The following TMC5 variants were observed in gnomAD, a reference collection of about 807,000 sequenced individuals.
TMC5 encodes the protein transmembrane channel like 5.
In TMC5, 86 loss-of-function variants were observed where a neutral mutation model predicts 110.5. The observed-to-expected ratio is 0.78, with a 90% CI of 0.65 to 0.93. The LOEUF is 0.93. Ranked by LOEUF, TMC5 falls within the 40% of genes least tolerant of loss-of-function variation. TMC5 has a pLI of 0.00. For missense variants in TMC5, 1,144 were observed against 1,222.8 expected (o/e 0.94, Z 0.96); for synonymous variants, 455 against 439.5 (o/e 1.04, Z -0.44).
At position 19,463,261 on chromosome 16, in the gene TMC5, C is replaced by A. The variant is rs1401795415; in HGVS notation, c.1149-19C>A. The A allele has an allele frequency of 3.8e-6, 6 of 1,588,146 alleles. No homozygotes were observed. The South Asian group carries it at 6.6e-5, about 18-fold the overall frequency. On this transcript the variant is annotated intron_variant, in intron 6 of 21. Transcript: ENST00000542583. ...TTGCAACATTTGTATCTCTCATTTTCTCTTGCTGTTCCCTACAGGAAAATA... is the reference window on the plus strand; with the variant it reads ...TTGCAACATTTGTATCTCTCATTTTATCTTGCTGTTCCCTACAGGAAAATA...
chr16:19,440,933 T>C (rs908051201), intron 3 of TMC5, 107 bp downstream of exon 3: 4 of 1,152,850 alleles, frequency 3.5e-6, no homozygotes, highest in Non-Finnish European at 4.9e-6. Context: ...TATATGACGG[T>C]TTCTATGACC....
intron 12 of TMC5, 73 bp from the exon 13 acceptor site, chr16:19,477,367 C>A: frequency 8.6e-7 from 1 of 1,159,688 alleles, no homozygotes; most frequent in Non-Finnish European, 1.3e-6. Flanking sequence ...CCATGTGCCC[C>A]AAAGGAGCTA....
Position 19,498,311 on chromosome 16 carries a change from C to T in TMC5, c.*345C>T, listed in dbSNP as rs186881397. 8.4e-6 allele frequency: 2 copies of T among 239,244 alleles called. No homozygotes were observed. The allele number at this position is 239,244 out of a possible 1,614,324, so 14.8% of individuals were successfully genotyped here. On this transcript the variant is annotated 3_prime_UTR_variant, in exon 22 of 22. Transcript: ENST00000542583. ...AGGAATGATTGGTTCTTAGAAATCT[C>T]TCCTGCCAGACTTCCCAGACCTGGC... is the stretch of plus-strand genomic sequence containing the variant.
intron 2 of TMC5, among the ~76,000 whole-genome samples, chr16:19,433,054 A>T (rs1967227550): frequency 6.6e-6 from 1 of 152,222 alleles, no homozygotes; most frequent in Non-Finnish European, 1.5e-5. Context: ...AGTTATATAC[A>T]TACATACATA....
At position 19,444,146 on chromosome 16, in the gene TMC5, G is replaced by T. The variant is rs72785308; in HGVS notation, c.854G>T (p.Ser285Ile). 51,047 of 1,614,068 alleles carry T rather than the reference G, an allele frequency of 0.032. 952 individuals are homozygous for T. The highest frequency in any genetic ancestry group is 0.057 in the African/African-American group (4,312 of 75,018). Residue 285 changes from serine (S) to isoleucine (I), a missense_variant, in exon 4 of 22, where the codon AGT (serine) becomes ATT (isoleucine). By Grantham distance (142) the Ser-to-Ile change is moderately radical (BLOSUM62 -2). Transcript: ENST00000542583. ...FRHRSDDPVG[S>I]LWGENDYPEG... ...CACAGGAGTGATGACCCCGTGGGCAGTCTTTGGGGAGAGAATGATTACCCT... is the reference window on the plus strand; with the variant it reads ...CACAGGAGTGATGACCCCGTGGGCATTCTTTGGGGAGAGAATGATTACCCT...
intron 2 of TMC5, among the ~76,000 whole-genome samples, chr16:19,434,380 A>C (rs1967286490): frequency 2.2e-5 from 1 of 44,484 alleles, no homozygotes; most frequent in Admixed American, 2.7e-4. Flanking sequence ...ATAGATCTAT[A>C]TATAATATAG....
chr16:19,431,266 C>T (rs943515383), intron 2 of TMC5, among the ~76,000 whole-genome samples: 14 of 152,162 alleles, frequency 9.2e-5, no homozygotes, highest in Non-Finnish European at 1.6e-4. Context: ...GGGGGCCGGG[C>T]GCGGTGGCTC....
intron 8 of TMC5, 81 bp downstream of exon 8, chr16:19,464,105 C>A: frequency 1.3e-6 from 2 of 1,494,058 alleles, no homozygotes; most frequent in Non-Finnish European, 1.8e-6. Context: ...CACCCACTCA[C>A]ACCTCTCATT....
At chr16:19,492,330 C>T (rs1236569622) in intron 19 of TMC5, 102 bp downstream of exon 19, 1 of 718,804 alleles carries the variant, frequency 1.4e-6, no homozygotes, top group Non-Finnish European at 2.3e-6. Context: ...CTCTCATATC[C>T]CTGCTCTCAG....
At chr16:19,439,879 A>G (rs1967439945) in intron 2 of TMC5, 81 bp from the exon 3 acceptor site, 2 of 624,814 alleles carry the variant, frequency 3.2e-6, no homozygotes, top group East Asian at 2.7e-5. Context: ...AAAGGAGAAC[A>G]GATACTGGAA....
intron 11 of TMC5, among the ~76,000 whole-genome samples, chr16:19,472,525 C>T (rs574400372): frequency 6.6e-6 from 1 of 152,190 alleles, no homozygotes; most frequent in Admixed American, 6.5e-5. Context: ...TAAAAATTAG[C>T]CTGTCACGGT....
chr16:19,448,704 T>TA (rs1967676153), intron 4 of TMC5, among the ~76,000 whole-genome samples: 1 of 145,376 alleles, frequency 6.9e-6, no homozygotes, highest in Admixed American at 7.0e-5. Context: ...ATATATATAT[T>TA]TTAATATATT....
intron 13 of TMC5, among the ~76,000 whole-genome samples, chr16:19,477,992 A>C (rs1408360488): frequency 1.1e-4 from 17 of 152,228 alleles, no homozygotes. Flanking sequence ...GCTGGCAGTA[A>C]CAATTATGTC....
chr16:19,491,079 T>C (rs1968893713), intron 18 of TMC5, among the ~76,000 whole-genome samples: 1 of 151,766 alleles, frequency 6.6e-6, no homozygotes, highest in Admixed American at 6.6e-5. Context: ...GGCATGGTCA[T>C]GGCTTGCTGC....
intron 4 of TMC5, among the ~76,000 whole-genome samples, chr16:19,447,020 T>C (rs959223964): frequency 1.3e-5 from 2 of 151,854 alleles, no homozygotes; most frequent in African/African-American, 4.8e-5. Flanking sequence ...ACTGAGTTAA[T>C]AACAACAACA....
intron 2 of TMC5, among the ~76,000 whole-genome samples, chr16:19,432,987 TTGTG>T (rs370842273): frequency 3.2e-4 from 49 of 152,194 alleles, no homozygotes; most frequent in African/African-American, 1.0e-3. Context: ...ATGGATATCT[TTGTG>T]TGTATATACA....
chr16:19,416,642 G>A (rs113283687), upstream of TMC5, among the ~76,000 whole-genome samples: 367 of 152,322 alleles, frequency 2.4e-3, 2 homozygotes, highest in African/African-American at 8.3e-3. Flanking sequence ...TAGAGTGCCA[G>A]AGTCAGCATT....
intron 5 of TMC5, among the ~76,000 whole-genome samples, chr16:19,449,869 C>T (rs76105554): frequency 0.07 from 10,716 of 152,222 alleles, 767 homozygotes; most frequent in African/African-American, 0.19. Flanking sequence ...TTCCCCTATG[C>T]CTTCCACCAC....
intron 7 of TMC5, 117 bp downstream of exon 7, chr16:19,463,484 G>A: frequency 3.1e-6 from 3 of 962,222 alleles, no homozygotes; most frequent in Non-Finnish European, 1.7e-6. Flanking sequence ...ATTGCCCAGA[G>A]CCAACGGTTA....
Sources: allele counts gnomAD v4.1 joint callset (sites outside exome capture counted in the v4.1 genomes callset), GRCh38; gene constraint gnomAD v4.1.1; transcripts MANE v1.5; gene names NCBI Gene and HGNC (gene_info 2026-07-23, HGNC 2026-07-21).